POU6F2: variants seen among roughly 807,000 people sequenced by gnomAD.
POU6F2 encodes the protein POU domain, class 6, transcription factor 2.
In POU6F2, 31 loss-of-function variants were observed where a neutral mutation model predicts 71.3. The observed-to-expected ratio is 0.43, with a 90% confidence interval of 0.33 to 0.59. POU6F2 has a LOEUF of 0.59. Among genes scored for constraint, POU6F2 ranks in the 20% least tolerant of loss-of-function variants. The pLI is 0.04. For missense variants in POU6F2, 783 were observed against 856.8 expected (o/e 0.91, Z 1.07); for synonymous variants, 347 against 355.7 (o/e 0.98, Z 0.27).
chr7:38,988,461 T>C (rs1788514682), intron 1 of POU6F2, among the ~76,000 whole-genome samples: 1 of 152,098 alleles, frequency 6.6e-6, no homozygotes, highest in Admixed American at 6.6e-5. Context: ...GGAGGGAATG[T>C]AGTCTGGTAT....
chr7:39,451,441 A>G, intron 7 of POU6F2, 92 bp from the exon 8 acceptor site: 1 of 1,285,422 alleles, frequency 7.8e-7, no homozygotes, highest in Non-Finnish European at 1.1e-6. Context: ...TGGAAATAAA[A>G]TGATTCACTC....
intron 4 of POU6F2, among the ~76,000 whole-genome samples, chr7:39,334,330 A>G (rs1335435700): frequency 6.6e-6 from 1 of 152,154 alleles, no homozygotes; most frequent in Non-Finnish European, 1.5e-5. Context: ...TAGAAATAGT[A>G]GACACTGAGG....
chr7:39,001,523 T>A (rs1422462063), intron 1 of POU6F2, among the ~76,000 whole-genome samples: 1 of 152,152 alleles, frequency 6.6e-6, no homozygotes, highest in Admixed American at 6.5e-5. Context: ...ATTACTAAGC[T>A]AGTGAATTAT....
chr7:39,363,860 G>C (rs139083473), intron 5 of POU6F2, among the ~76,000 whole-genome samples: 34 of 152,176 alleles, frequency 2.2e-4, no homozygotes, highest in African/African-American at 6.5e-4. Flanking sequence ...CGATGAATTG[G>C]AGTGATCAAA....
At position 39,086,011 on chromosome 7, in the gene POU6F2, A is replaced by G; in HGVS notation, c.257A>G (p.Asp86Gly). 6.2e-7 allele frequency: 1 copy of G among 1,613,656 alleles called. No homozygotes were observed. Among genetic ancestry groups the G allele is most frequent in the South Asian group, 1.1e-5 (1 of 91,052 alleles). ...LAPVESNDSE[D>G]TPSKLFGARG... ...CCTGTGGAATCAAATGACAGCGAGG[A>G]CACTCCCAGCAAGCTCTTCGGTAAG... Residue 86 changes from aspartate (D) to glycine (G), a missense_variant, in exon 2 of 10, where the codon GAC becomes GGC. Around this residue, in one of 2 missense-constraint regions of POU6F2, gnomAD observed 572 missense variants for 572.9 expected, o/e 1.00. Coordinates refer to ENST00000518318, the MANE Select transcript of POU6F2 (RefSeq NM_001370959.1).
At chr7:39,128,607 T>C (rs1464412739) in intron 2 of POU6F2, among the ~76,000 whole-genome samples, 1 of 152,238 alleles carries the variant, frequency 6.6e-6, no homozygotes, top group Non-Finnish European at 1.5e-5. Context: ...TGTCAGTCTT[T>C]ACAGAAAAGT....
intron 1 of POU6F2, among the ~76,000 whole-genome samples, chr7:39,002,523 T>G (rs1788944076): frequency 6.6e-6 from 1 of 152,168 alleles, no homozygotes; most frequent in South Asian, 2.1e-4. Context: ...AATTTTTATA[T>G]TTTTAGTAGA....
intron 1 of POU6F2, among the ~76,000 whole-genome samples, chr7:38,984,663 T>C (rs1788417170): frequency 6.6e-6 from 1 of 152,178 alleles, no homozygotes; most frequent in African/African-American, 2.4e-5. Flanking sequence ...GGAAAACTTT[T>C]CTTTAAATCT....
chr7:39,230,469 A>C (rs1473118373), intron 4 of POU6F2, among the ~76,000 whole-genome samples: 1 of 151,940 alleles, frequency 6.6e-6, no homozygotes, highest in Admixed American at 6.6e-5. Context: ...GGGTGACAGC[A>C]TAAGACCCTG....
chr7:39,390,381 T>A (rs1787043458), intron 5 of POU6F2, among the ~76,000 whole-genome samples: 1 of 152,060 alleles, frequency 6.6e-6, no homozygotes, highest in African/African-American at 2.4e-5. Flanking sequence ...GGGCGGCAAA[T>A]CAAGGCTCTG....
At chr7:39,398,262 G>A (rs1787219455) in intron 5 of POU6F2, among the ~76,000 whole-genome samples, 1 of 152,014 alleles carries the variant, frequency 6.6e-6, no homozygotes, top group Non-Finnish European at 1.5e-5. Flanking sequence ...GCGGGAGAAA[G>A]AGGATAAACA....
intron 5 of POU6F2, among the ~76,000 whole-genome samples, chr7:39,392,486 C>T (rs1787091810): frequency 6.6e-6 from 1 of 152,172 alleles, no homozygotes; most frequent in South Asian, 2.1e-4. Flanking sequence ...GCCTTAGACC[C>T]AACACCCCAC....
At chr7:39,372,095 AT>A in intron 5 of POU6F2, among the ~76,000 whole-genome samples, 1 of 152,114 alleles carries the variant, frequency 6.6e-6, no homozygotes, top group Admixed American at 6.5e-5. Flanking sequence ...ATTTTTTAAA[AT>A]TTTTTGTAGG....
At chr7:39,340,126 C>T in intron 5 of POU6F2, 111 bp downstream of exon 5, 4 of 1,371,720 alleles carry the variant, frequency 2.9e-6, no homozygotes, top group Non-Finnish European at 2.9e-6. Flanking sequence ...TCCAGTTCTG[C>T]AGCATCTAAT....
intron 2 of POU6F2, among the ~76,000 whole-genome samples, chr7:39,203,936 A>C (rs887412149): frequency 1.6e-4 from 24 of 152,204 alleles, no homozygotes; most frequent in African/African-American, 5.1e-4. Context: ...TAATTTTAGG[A>C]AACTAGATTA....
At chr7:39,277,313 C>T (rs946000661) in intron 4 of POU6F2, among the ~76,000 whole-genome samples, 1 of 151,994 alleles carries the variant, frequency 6.6e-6, no homozygotes, top group South Asian at 2.1e-4. Context: ...GGGTATATTG[C>T]GTGATGCTGA....
chr7:39,411,350 G>A (rs145470164), intron 6 of POU6F2, among the ~76,000 whole-genome samples: 1 of 152,252 alleles, frequency 6.6e-6, no homozygotes, highest in Non-Finnish European at 1.5e-5. Context: ...CTCCTTATTG[G>A]CGTTATTGCA....
At chr7:39,008,437 A>T (rs1388181492) in intron 1 of POU6F2, among the ~76,000 whole-genome samples, 1 of 151,384 alleles carries the variant, frequency 6.6e-6, no homozygotes, top group African/African-American at 2.4e-5. Context: ...TTGTCAGATG[A>T]GTAGGTTGCG....
intron 2 of POU6F2, among the ~76,000 whole-genome samples, chr7:39,152,439 G>C (rs1032599673): frequency 6.6e-6 from 1 of 152,100 alleles, no homozygotes; most frequent in Non-Finnish European, 1.5e-5. Flanking sequence ...TTCTCTACCC[G>C]ATCCAAACCT....
Sources: gnomAD v4.1 joint callset for allele counts (sites outside exome capture counted in the v4.1 genomes callset) on GRCh38, gnomAD v4.1.1 for gene constraint, gnomAD v4.1.1 regional missense constraint, MANE v1.5 for transcripts, NCBI Gene and HGNC (gene_info 2026-07-23, HGNC 2026-07-21) for gene names.